The following NEDD4 variants were observed in gnomAD, a reference collection of about 807,000 sequenced individuals.
NEDD4 encodes the protein E3 ubiquitin-protein ligase NEDD4.
A neutral mutation model predicts 144.9 loss-of-function variants in NEDD4; 99 were observed. The ratio of observed to expected loss-of-function variants is 0.68; its 90% CI spans 0.58 to 0.81. The LOEUF is 0.81. Among genes scored for constraint, NEDD4 ranks in the 30% least tolerant of loss-of-function variants. NEDD4 has a pLI of 0.00. For missense variants in NEDD4, 985 were observed against 1,065.9 expected (o/e 0.92, Z 1.06); for synonymous variants, 318 against 350.6 (o/e 0.91, Z 1.04).
chr15:55,907,855 T>C (rs1167062543), intron 5 of NEDD4, among the ~76,000 whole-genome samples: 1 of 152,222 alleles, frequency 6.6e-6, no homozygotes, highest in Non-Finnish European at 1.5e-5. Flanking sequence ...TTCAGGAAAC[T>C]TGATCTGAGC....
intron 21 of NEDD4, among the ~76,000 whole-genome samples, chr15:55,839,000 G>A (rs371897398): frequency 2.2e-4 from 34 of 151,788 alleles, no homozygotes; most frequent in South Asian, 1.5e-3. Context: ...ATGTGACTTC[G>A]TGTTAAATGT....
chr15:55,934,874 T>TTTA (rs1313992335), intron 4 of NEDD4: 1 of 136,216 alleles, frequency 7.3e-6, no homozygotes, highest in East Asian at 2.1e-4. Context: ...TTTTTTTTTT[T>TTTA]TTTTTTTTTT....
At chr15:55,983,813 G>C (rs1267452759) in intron 1 of NEDD4, among the ~76,000 whole-genome samples, 1 of 151,970 alleles carries the variant, frequency 6.6e-6, no homozygotes, top group African/African-American at 2.4e-5. Context: ...GTTTCACCAT[G>C]TTGGCCAGGC....
At chr15:55,950,033 TAACTC>T (rs1293468777) in intron 4 of NEDD4, among the ~76,000 whole-genome samples, 2 of 151,034 alleles carry the variant, frequency 1.3e-5, no homozygotes, top group African/African-American at 2.4e-5. Flanking sequence ...AATAAATAAA[TAACTC>T]AACAACTTGG....
intron 27 of NEDD4, among the ~76,000 whole-genome samples, chr15:55,831,986 G>A (rs1468845226): frequency 6.6e-6 from 1 of 151,978 alleles, no homozygotes; most frequent in Non-Finnish European, 1.5e-5. Flanking sequence ...CATCAGAAAT[G>A]GCACTTTTAA....
chr15:55,976,642 T>C lies in NEDD4; in HGVS notation c.46-10096A>G, dbSNP rs576529199. Among the ~76,000 whole-genome samples, 77 of 151,184 alleles carry C rather than the reference T, an allele frequency of 5.1e-4. 1 individual carries two copies. The highest frequency in any genetic ancestry group is 3.4e-3 in the Middle Eastern group (1 of 292). On this transcript the variant is annotated intron_variant, in intron 1 of 28. Transcript: ENST00000435532. ...CTGGGCAAAAATTTTTTTTTTTTTTTTTTTTGAGACGGAGGCTCGCTCTGT... is the reference window on the plus strand; with the variant it reads ...CTGGGCAAAAATTTTTTTTTTTTTTCTTTTTGAGACGGAGGCTCGCTCTGT...
chr15:55,934,860 C>CTTTTTTTTTTTTTTTT (rs564385465), intron 4 of NEDD4: 2 of 80,838 alleles, frequency 2.5e-5, no homozygotes, highest in Admixed American at 1.9e-4. Flanking sequence ...CAATGTTCTG[C>CTTTTTTTTTTTTTTTT]TTTTTTTTTT....
chr15:55,890,388 A>G (rs1450059822), intron 5 of NEDD4, among the ~76,000 whole-genome samples: 3 of 151,850 alleles, frequency 2.0e-5, no homozygotes, highest in Non-Finnish European at 4.4e-5. Context: ...CTAGGCAACC[A>G]CCAACCACTT....
At chr15:55,838,023 G>T in intron 23 of NEDD4, 84 bp downstream of exon 23, 2 of 962,764 alleles carry the variant, frequency 2.1e-6, no homozygotes, top group Non-Finnish European at 3.2e-6. Context: ...TGGACAAGGG[G>T]ACAGAGAAAG....
At chr15:55,970,107 TATC>T (rs1346243735) in intron 1 of NEDD4, among the ~76,000 whole-genome samples, 1 of 152,008 alleles carries the variant, frequency 6.6e-6, no homozygotes, top group East Asian at 2.0e-4. Flanking sequence ...CCTTAATAAA[TATC>T]AGCAGTAGCC....
chr15:55,880,610 A>G (rs953467197), intron 5 of NEDD4, among the ~76,000 whole-genome samples: 1 of 152,194 alleles, frequency 6.6e-6, no homozygotes, highest in East Asian at 1.9e-4. Context: ...TACTTCACCA[A>G]AATGAGGGAG....
intron 1 of NEDD4, among the ~76,000 whole-genome samples, chr15:55,984,147 G>C (rs1010472015): frequency 1.3e-5 from 2 of 152,124 alleles, no homozygotes; most frequent in Non-Finnish European, 2.9e-5. Flanking sequence ...GCTTTATCAA[G>C]AAAAGACAGA....
rs765007269 is a variant in NEDD4, at chr15:55,852,591, C to A, written c.1027-48G>T. The A allele has an allele frequency of 1.3e-5, 20 of 1,577,860 alleles. No homozygotes were observed. The African/African-American group carries it at 2.6e-4, about 20-fold the overall frequency. ...AATTAAATACATCAAGTTTAAGAAT[C>A]CTTCTATCACCCCCAAAAGTTCCCT... On this transcript the variant is annotated intron_variant, in intron 12 of 28. Transcript: ENST00000435532.
chr15:55,945,408 C>T (rs1468425982), intron 4 of NEDD4, among the ~76,000 whole-genome samples: 1 of 151,990 alleles, frequency 6.6e-6, no homozygotes, highest in African/African-American at 2.4e-5. Context: ...GGAAGAAAGG[C>T]TATCACTGAT....
chr15:55,993,577 C>T lies in NEDD4; in HGVS notation c.-22G>A. 2 of 1,590,168 alleles carry T rather than the reference C, an allele frequency of 1.3e-6. No homozygotes were observed. The highest frequency in any genetic ancestry group is 1.4e-5 in the African/African-American group (1 of 72,406). ...CCATTTCCGAACGCTTCCAGCAAACCGGACGCGCTCGCCCCCGCCCAGGGC... is the reference window on the plus strand; with the variant it reads ...CCATTTCCGAACGCTTCCAGCAAACTGGACGCGCTCGCCCCCGCCCAGGGC... On this transcript the variant is annotated 5_prime_UTR_variant, in exon 1 of 29. Transcript: ENST00000435532.
intron 4 of NEDD4, among the ~76,000 whole-genome samples, chr15:55,947,593 G>C (rs1246514692): frequency 6.6e-6 from 1 of 152,144 alleles, no homozygotes; most frequent in Non-Finnish European, 1.5e-5. Context: ...GGTACAAGGA[G>C]CTTATCCACC....
chr15:55,849,095 C>T lies in NEDD4; in HGVS notation c.1348-209G>A, dbSNP rs1311045288. Among the ~76,000 whole-genome samples, 3 of 152,214 alleles carry T rather than the reference C, an allele frequency of 2.0e-5. No homozygotes were observed. In the South Asian group the frequency reaches 6.2e-4, roughly 31 times the overall value. On this transcript the variant is annotated intron_variant, in intron 14 of 28. Transcript: ENST00000435532. ...CTATAATATCAAAAGGAATAACGAT[C>T]AGTTCTCAGGGATCACCACTAACTG...
rs575931736 is a variant in NEDD4, at chr15:55,945,096, G to A, written c.237+6280C>T. ...AGCTGAAAATTCTAAAAACCAGAGC[G>A]CATCTTCTCCTCCAAAGGATCGCAG... On this transcript the variant is annotated intron_variant, in intron 4 of 28. Coordinates refer to ENST00000435532, the MANE Select transcript of NEDD4 (RefSeq NM_006154.4). 1.3e-4 allele frequency among the ~76,000 whole-genome samples: 20 copies of A among 152,098 alleles called. No homozygotes were observed. In the South Asian group the frequency reaches 3.3e-3, roughly 25 times the overall value.
chr15:55,863,000 C>G lies in NEDD4; in HGVS notation c.587G>C (p.Gly196Ala), dbSNP rs751680876. 1 of 1,607,516 alleles carries G rather than the reference C, an allele frequency of 6.2e-7. No homozygotes were observed. The change falls in exon 9 of 29, where the codon GGG becomes GCG. Residue 196 changes from glycine (G) to alanine (A), a missense_variant. Physicochemically the swap from Gly to Ala is moderately conservative, Grantham distance 60 (BLOSUM62 0). Coordinates refer to ENST00000435532, the MANE Select transcript of NEDD4 (RefSeq NM_006154.4). ...QQQEPSPLPP[G>A]WEERQDILGR... Reference sequence around the variant, plus strand: ...AAGGATATCCTGCCTCTCTTCCCACCCTGGAGGTAGAGGAGAAGGTTCTTG... The same window carrying G: ...AAGGATATCCTGCCTCTCTTCCCACGCTGGAGGTAGAGGAGAAGGTTCTTG...
Sources: gnomAD v4.1 joint callset for allele counts (sites outside exome capture counted in the v4.1 genomes callset) on GRCh38, gnomAD v4.1.1 for gene constraint, MANE v1.5 for transcripts, NCBI Gene and HGNC (gene_info 2026-07-23, HGNC 2026-07-21) for gene names.